RAPGEF4: variants seen among roughly 807,000 people sequenced by gnomAD.
RAPGEF4 encodes the protein RAP guanine-nucleotide-exchange factor (GEF) 4.
RAPGEF4 carries 66 observed loss-of-function variants against 147.9 expected under a neutral mutation model. The ratio of observed to expected loss-of-function variants is 0.45; its 90% CI spans 0.37 to 0.55. RAPGEF4 has a LOEUF of 0.55. Among genes scored for constraint, RAPGEF4 ranks in the 20% least tolerant of loss-of-function variants. The pLI, the probability that RAPGEF4 is intolerant of heterozygous loss-of-function variation, is 0.00. For synonymous variants in RAPGEF4, 419 were observed against 442.7 expected (o/e 0.95, Z 0.67); for missense variants, 1,071 against 1,257.3 (o/e 0.85, Z 2.24).
rs373833946 is a variant in RAPGEF4 at position 172,894,620 on chromosome 2, G to A, written c.445-23182G>A. ...TGACCAGAGAAGTAGGAAAAGAATG[G>A]AACATTCATTTCAGTCTGAATAGGA... On this transcript the variant is annotated intron_variant, in intron 4 of 30. Transcript: ENST00000397081. 1.1e-3 allele frequency among the ~76,000 whole-genome samples: 174 copies of A among 152,252 alleles called. No individual in the cohort carries two copies. In the South Asian group the frequency reaches 0.016, roughly 14 times the overall value.
At chr2:173,024,009 T>G (rs927495522) in intron 23 of RAPGEF4, among the ~76,000 whole-genome samples, 1 of 152,200 alleles carries the variant, frequency 6.6e-6, no homozygotes, top group Non-Finnish European at 1.5e-5. Flanking sequence ...GTTGAAATCA[T>G]TCTCCTCATT....
At chr2:172,788,032 G>A (rs2149527114) in intron 1 of RAPGEF4, among the ~76,000 whole-genome samples, 1 of 152,256 alleles carries the variant, frequency 6.6e-6, no homozygotes, top group South Asian at 2.1e-4. Flanking sequence ...TCTGGTGAGG[G>A]CTGCTCTCTA....
At chr2:172,892,497 C>A (rs1385833390) in intron 4 of RAPGEF4, among the ~76,000 whole-genome samples, 1 of 152,212 alleles carries the variant, frequency 6.6e-6, no homozygotes, top group African/African-American at 2.4e-5. Context: ...TCCTAACCCA[C>A]AACAGCTTGC....
chr2:172,768,760 G>T (rs186778172), intron 1 of RAPGEF4, among the ~76,000 whole-genome samples: 51 of 152,320 alleles, frequency 3.3e-4, no homozygotes, highest in African/African-American at 1.2e-3. Flanking sequence ...TGGTTTCCAT[G>T]AAAAGCTCGA....
intron 26 of RAPGEF4, among the ~76,000 whole-genome samples, chr2:173,031,406 T>A (rs1420462922): frequency 1.3e-5 from 2 of 152,250 alleles, no homozygotes; most frequent in Admixed American, 1.3e-4. Flanking sequence ...CTCCCTCGTC[T>A]TATAGTCCAA....
intron 4 of RAPGEF4, among the ~76,000 whole-genome samples, chr2:172,824,348 A>T (rs1428989782): frequency 6.6e-6 from 1 of 152,218 alleles, no homozygotes; most frequent in African/African-American, 2.4e-5. Flanking sequence ...GCCAGGGCTG[A>T]GAACCCCTTC....
At chr2:172,759,101 C>T (rs116466762) in intron 1 of RAPGEF4, among the ~76,000 whole-genome samples, 5,470 of 152,210 alleles carry the variant, frequency 0.036, 119 homozygotes, top group Non-Finnish European at 0.057. Flanking sequence ...GTTGACAAAA[C>T]ATCAGGAAGA....
intron 17 of RAPGEF4, 99 bp from the exon 18 acceptor site, chr2:173,014,365 C>T (rs1261655906): frequency 6.7e-7 from 1 of 1,488,692 alleles, no homozygotes; most frequent in Non-Finnish European, 9.3e-7. Flanking sequence ...CATCTAAAAG[C>T]CTGGCTTTCT....
At chr2:173,039,418 T>C (rs1416669103) in intron 29 of RAPGEF4, among the ~76,000 whole-genome samples, 1 of 151,658 alleles carries the variant, frequency 6.6e-6, no homozygotes, top group East Asian at 1.9e-4. Context: ...TGAGCCGAGA[T>C]TGCACCACTG....
chr2:172,886,644 T>C (rs1697254719), intron 4 of RAPGEF4, among the ~76,000 whole-genome samples: 1 of 152,040 alleles, frequency 6.6e-6, no homozygotes, highest in South Asian at 2.1e-4. Context: ...GGTACCCCCT[T>C]CTTTTAGCTC....
chr2:172,853,665 A>G (rs973876819), intron 4 of RAPGEF4, among the ~76,000 whole-genome samples: 5 of 151,842 alleles, frequency 3.3e-5, no homozygotes, highest in Non-Finnish European at 5.9e-5. Flanking sequence ...TTTCTACTAT[A>G]AACATTTAAA....
chr2:172,737,553 T>C (rs1270360451), intron 1 of RAPGEF4, among the ~76,000 whole-genome samples: 1 of 152,174 alleles, frequency 6.6e-6, no homozygotes, highest in African/African-American at 2.4e-5. Context: ...GAAGTACTTA[T>C]GGCAAAATCA....
intron 4 of RAPGEF4, among the ~76,000 whole-genome samples, chr2:172,857,854 C>A (rs1009675733): frequency 9.4e-6 from 1 of 106,126 alleles, no homozygotes; most frequent in African/African-American, 3.6e-5. Context: ...TGTACTCCAG[C>A]CTGACTGACA....
intron 4 of RAPGEF4, among the ~76,000 whole-genome samples, chr2:172,848,591 AG>A (rs1002180337): frequency 6.6e-6 from 1 of 152,160 alleles, no homozygotes; most frequent in Non-Finnish European, 1.5e-5. Context: ...GTCTTTGCTA[AG>A]GGGGTGGTCT....
At chr2:172,817,603 G>A (rs1480428019) in intron 4 of RAPGEF4, among the ~76,000 whole-genome samples, 1 of 152,092 alleles carries the variant, frequency 6.6e-6, no homozygotes, top group East Asian at 1.9e-4. Flanking sequence ...AATCATCACT[G>A]AACAGTAAGA....
intron 1 of RAPGEF4, among the ~76,000 whole-genome samples, chr2:172,772,706 A>G (rs1190826794): frequency 6.6e-6 from 1 of 152,234 alleles, no homozygotes; most frequent in African/African-American, 2.4e-5. Flanking sequence ...AATCCTCAGT[A>G]TGTTTGTTGA....
chr2:172,975,855 T>C (rs985112148), intron 10 of RAPGEF4, among the ~76,000 whole-genome samples: 3 of 152,250 alleles, frequency 2.0e-5, no homozygotes, highest in Non-Finnish European at 4.4e-5. Context: ...AGGAAAATAT[T>C]TGTACTTGTA....
chr2:172,827,293 C>T (rs1449405959), intron 4 of RAPGEF4, among the ~76,000 whole-genome samples: 1 of 152,128 alleles, frequency 6.6e-6, no homozygotes, highest in Non-Finnish European at 1.5e-5. Context: ...TCCATCTCCC[C>T]TGAATTCCCT....
At position 172,797,608 on chromosome 2, in the gene RAPGEF4, C is replaced by T. The variant is rs770482532; in HGVS notation, c.292C>T (p.His98Tyr). 1 of 1,611,100 alleles carries T rather than the reference C, an allele frequency of 6.2e-7. No individual in the cohort carries two copies. Among genetic ancestry groups the T allele is most frequent in the Non-Finnish European group, 8.5e-7 (1 of 1,177,638 alleles). ...TGTTAAAGTATCTGAGACCAGCAGT[C>T]ACCAGGTAATATGGTCTATTTTTTT... ...LDVKVSETSS[H>Y]QDAVTICTLG... Residue 98 changes from histidine (H) to tyrosine (Y), a missense_variant, in exon 3 of 31, where the codon CAC becomes TAC. By Grantham distance (83) the His-to-Tyr change is moderately conservative. Coordinates refer to ENST00000397081, the MANE Select transcript of RAPGEF4 (RefSeq NM_007023.4).
Sources: allele counts gnomAD v4.1 joint callset (sites outside exome capture counted in the v4.1 genomes callset), GRCh38; gene constraint gnomAD v4.1.1; transcripts MANE v1.5; gene names NCBI Gene and HGNC (gene_info 2026-07-23, HGNC 2026-07-21).